PML: variants seen among roughly 807,000 people sequenced by gnomAD.
PML encodes protein PML.
In PML, 28 loss-of-function variants were observed where a neutral mutation model predicts 65.2. The ratio of observed to expected loss-of-function variants is 0.43; its 90% CI spans 0.32 to 0.59. PML has a LOEUF of 0.59. PML is among the 20% of genes least tolerant of loss of function. The probability of loss-of-function intolerance (pLI) is 0.08; values close to 1 mark genes in which losing one functional copy is unlikely to be tolerated. For missense variants in PML, 1,021 were observed against 1,203.4 expected (o/e 0.85, Z 2.24); for synonymous variants, 500 against 508.8 (o/e 0.98, Z 0.23).
At chr15:74,014,829 A>C (rs1164903485) in intron 2 of PML, among the ~76,000 whole-genome samples, 1 of 152,112 alleles carries the variant, frequency 6.6e-6, no homozygotes, top group Non-Finnish European at 1.5e-5. Flanking sequence ...GTGGCCATTG[A>C]ATGGTGGTGC....
Position 74,035,355 on chromosome 15 carries a change from G to C in PML, c.1710+825G>C, listed in dbSNP as rs1363983551. On this transcript the variant is annotated intron_variant, in intron 7 of 8. Coordinates refer to ENST00000268058, the MANE Select transcript of PML (RefSeq NM_033238.3). This position sits in a 1 kb window ranked among gnomAD's most constrained non-coding sequence, Gnocchi z 4.1. The stretch of plus-strand genomic sequence containing the variant: ...TCCCCACCAGCCCGCTGAGCAGGCT[G>C]CCACCCCCGATGCTGAGCCTCACAG... 4 of 1,611,908 alleles carry C rather than the reference G, an allele frequency of 2.5e-6. No individual in the cohort carries two copies. The East Asian group carries it at 8.9e-5, about 36-fold the overall frequency.
At chr15:74,002,444 C>CTTT (rs71137368) in intron 2 of PML, among the ~76,000 whole-genome samples, 35 of 104,758 alleles carry the variant, frequency 3.3e-4, no homozygotes, top group East Asian at 5.3e-4. Flanking sequence ...TCTTTCTTTT[C>CTTT]TTTTTTTTTT....
At chr15:74,027,496 T>C (rs1312385620) in intron 4 of PML, 1 of 152,186 alleles carries the variant, frequency 6.6e-6, no homozygotes, top group African/African-American at 2.4e-5. Flanking sequence ...GAGGTTGCAG[T>C]GAGCTGTGAT....
At chr15:73,997,291 T>G (rs2069555564) in intron 1 of PML, among the ~76,000 whole-genome samples, 1 of 152,230 alleles carries the variant, frequency 6.6e-6, no homozygotes. Context: ...GGAATCGGCC[T>G]TAGGTTCCCT....
chr15:74,012,129 G>A (rs1341073762), intron 2 of PML, among the ~76,000 whole-genome samples: 1 of 136,138 alleles, frequency 7.3e-6, no homozygotes, highest in Non-Finnish European at 1.6e-5. Flanking sequence ...TTTCCTAAAA[G>A]GTCCCTCTAA....
chr15:74,020,026 G>T (rs910692532), intron 2 of PML, among the ~76,000 whole-genome samples: 1 of 152,350 alleles, frequency 6.6e-6, no homozygotes, highest in Non-Finnish European at 1.5e-5. Flanking sequence ...TAGAGATAGA[G>T]CTGCAGAGCA....
intron 2 of PML, among the ~76,000 whole-genome samples, chr15:74,017,038 C>A (rs1355555478): frequency 6.6e-6 from 1 of 151,552 alleles, no homozygotes; most frequent in East Asian, 2.0e-4. Flanking sequence ...ACCTCGTGAT[C>A]CACCCACCTC....
At chr15:74,002,293 C>CAT (rs1567118120) in intron 2 of PML, among the ~76,000 whole-genome samples, 1 of 151,570 alleles carries the variant, frequency 6.6e-6, no homozygotes, top group African/African-American at 2.4e-5. Flanking sequence ...GTTGTACACA[C>CAT]ATATATATAC....
intron 2 of PML, among the ~76,000 whole-genome samples, chr15:74,010,031 T>C (rs1395624920): frequency 6.6e-6 from 1 of 151,610 alleles, no homozygotes; most frequent in African/African-American, 2.4e-5. Flanking sequence ...TTTTGTTTTT[T>C]TGAGACAGGG....
At chr15:74,026,651 A>G (rs2071091715) in intron 4 of PML, 2 of 152,090 alleles carry the variant, frequency 1.3e-5, no homozygotes, top group South Asian at 4.1e-4. Flanking sequence ...CCATATAACT[A>G]TCTTTTAAAA....
chr15:74,036,157 G>A, intron 7 of PML: 1 of 1,605,448 alleles, frequency 6.2e-7, no homozygotes, highest in Non-Finnish European at 8.5e-7. Context: ...GAAGGCTAAG[G>A]CATGGCTGAG....
At chr15:74,032,747 C>CT (rs2071378546) in intron 5 of PML, 32 bp downstream of exon 5, 1 of 1,610,600 alleles carries the variant, frequency 6.2e-7, no homozygotes, top group African/African-American at 1.3e-5. Flanking sequence ...GCCTTCCCTC[C>CT]TGAAGGCCTG....
intron 2 of PML, among the ~76,000 whole-genome samples, chr15:74,002,865 C>A (rs2069845757): frequency 1.3e-5 from 2 of 152,256 alleles, no homozygotes; most frequent in Admixed American, 1.3e-4. Context: ...GTGGCTTCCA[C>A]CTGTAATCCC....
At position 74,044,808 on chromosome 15, in the gene PML, C is replaced by T; in HGVS notation, c.2449C>T (p.Gln817Ter). The part of the protein sequence containing the change: ...ELLSAHRRDR[Q>*]GGLKKYSRYL... ...GCTGAGTGCACACCGCCGTGACCGG[C>T]AGGGGGGCCTGAAGAAGTACAGCCG... The change falls in exon 9 of 9, where the codon CAG becomes TAG. Residue 817 changes from glutamine to a stop codon, truncating the protein, a stop_gained. Transcript: ENST00000268058. LOFTEE classifies it low-confidence loss of function (END_TRUNC). 6.2e-7 allele frequency: 1 copy of T among 1,613,170 alleles called. No homozygotes were observed.
rs760751573 is a variant in PML, at chr15:74,035,226, C to T, written c.1710+696C>T. On this transcript the variant is annotated intron_variant, in intron 7 of 8. Coordinates refer to ENST00000268058, the MANE Select transcript of PML (RefSeq NM_033238.3). This position sits in a 1 kb window ranked among gnomAD's most constrained non-coding sequence, Gnocchi z 4.1. ...ACAGTCCTCGCCAGCCCACTCCTCG[C>T]CAGCCCACTCCTCGCCAGCCCACTC... The T allele has an allele frequency of 6.3e-7, 1 of 1,577,448 alleles. No homozygotes were observed. The highest frequency in any genetic ancestry group is 1.1e-5 in the South Asian group (1 of 90,368).
chr15:74,039,540 T>G (rs2071650005), intron 7 of PML, among the ~76,000 whole-genome samples: 1 of 152,216 alleles, frequency 6.6e-6, no homozygotes, highest in African/African-American at 2.4e-5. Flanking sequence ...GAGTTTGGCT[T>G]GTGTTTGGCT....
chr15:74,001,097 T>A (rs2069740506), intron 2 of PML, among the ~76,000 whole-genome samples: 1 of 152,194 alleles, frequency 6.6e-6, no homozygotes, highest in African/African-American at 2.4e-5. Context: ...TATTTAAAAA[T>A]CTCCTATATG....
At position 74,023,038 on chromosome 15, in the gene PML, G is replaced by T; in HGVS notation, c.813G>T (p.Ala271=). The change falls in exon 3 of 9, where the codon GCG becomes GCT. Residue 271 remains alanine, a synonymous_variant. Transcript: ENST00000268058. ...MHAAVGQLGR[A]RAETEELIRE... is the part of the protein sequence containing the mutation. ...CGGCCGTCGGCCAGCTGGGCCGCGC[G>T]CGTGCCGAGACCGAGGAGCTGATCC... The T allele has an allele frequency of 6.2e-7, 1 of 1,605,014 alleles. No individual in the cohort carries two copies. Among genetic ancestry groups the T allele is most frequent in the Non-Finnish European group, 8.5e-7 (1 of 1,178,352 alleles).
intron 1 of PML, among the ~76,000 whole-genome samples, chr15:73,996,038 C>T (rs899601306): frequency 2.0e-5 from 3 of 152,218 alleles, no homozygotes; most frequent in Admixed American, 1.3e-4. Context: ...AGGCATGAGC[C>T]ACCATGCCCG....
Sources: gnomAD v4.1 joint callset for allele counts (sites outside exome capture counted in the v4.1 genomes callset) on GRCh38, gnomAD v4.1.1 for gene constraint, Gnocchi (gnomAD v3.1) non-coding constraint, MANE v1.5 for transcripts, NCBI Gene and HGNC (gene_info 2026-07-23, HGNC 2026-07-21) for gene names.